The following MMP16 variants were observed in gnomAD, a reference collection of about 807,000 sequenced individuals.
MMP16 encodes the protein matrix metalloproteinase-16.
MMP16 carries 12 observed loss-of-function variants against 67.8 expected under a neutral mutation model. The observed-to-expected ratio is 0.18, with a 90% confidence interval of 0.11 to 0.29. The LOEUF is 0.29. Ranked by LOEUF, MMP16 falls within the 10% of genes least tolerant of loss-of-function variation. The pLI, the probability that MMP16 is intolerant of heterozygous loss-of-function variation, is 1.00. For synonymous variants in MMP16, 249 were observed against 255.9 expected (o/e 0.97, Z 0.26); for missense variants, 475 against 765.7 (o/e 0.62, Z 4.48).
At chr8:88,243,688 G>A (rs944860038) in intron 1 of MMP16, among the ~76,000 whole-genome samples, 13 of 152,228 alleles carry the variant, frequency 8.5e-5, no homozygotes, top group African/African-American at 2.6e-4. Flanking sequence ...TACGTTAATC[G>A]TTGGAAGAAG....
At chr8:88,288,199 A>G (rs542075398) in intron 1 of MMP16, among the ~76,000 whole-genome samples, 1 of 152,340 alleles carries the variant, frequency 6.6e-6, no homozygotes, top group African/African-American at 2.4e-5. Context: ...ACCAAAACCA[A>G]TATAACTATT....
intron 1 of MMP16, among the ~76,000 whole-genome samples, chr8:88,272,674 C>A (rs1474397101): frequency 1.3e-5 from 2 of 151,942 alleles, no homozygotes; most frequent in African/African-American, 2.4e-5. Context: ...GGAAAGTGGC[C>A]AAAACAAGAT....
chr8:88,070,538 A>G (rs1442666163), intron 7 of MMP16, among the ~76,000 whole-genome samples: 1 of 151,974 alleles, frequency 6.6e-6, no homozygotes, highest in Non-Finnish European at 1.5e-5. Context: ...ACTCTTTCCA[A>G]TACGTATGGG....
intron 3 of MMP16, among the ~76,000 whole-genome samples, chr8:88,181,359 T>C (rs566797610): frequency 6.6e-6 from 1 of 152,124 alleles, no homozygotes; most frequent in African/African-American, 2.4e-5. Context: ...GGTTAATATA[T>C]AAAAGTCAAT....
intron 1 of MMP16, among the ~76,000 whole-genome samples, chr8:88,221,007 G>A (rs1291273307): frequency 6.6e-6 from 1 of 152,056 alleles, no homozygotes; most frequent in East Asian, 1.9e-4. Context: ...ATGTACCCAG[G>A]TGACTATCCT....
chr8:88,320,070 G>C (rs1811434563), intron 1 of MMP16, among the ~76,000 whole-genome samples: 2 of 152,156 alleles, frequency 1.3e-5, no homozygotes, highest in Admixed American at 6.5e-5. Context: ...ACCTCTACCA[G>C]AGGTCAAATA....
intron 1 of MMP16, among the ~76,000 whole-genome samples, chr8:88,217,324 T>C (rs1294762824): frequency 1.3e-5 from 2 of 152,120 alleles, no homozygotes. Flanking sequence ...TGTATGCATA[T>C]ACATGTTTCT....
intron 1 of MMP16, among the ~76,000 whole-genome samples, chr8:88,260,170 A>C (rs2129945697): frequency 6.6e-6 from 1 of 152,340 alleles, no homozygotes; most frequent in Non-Finnish European, 1.5e-5. Context: ...CAGCATTTTA[A>C]AAATATTTCT....
chr8:88,153,961 T>A (rs1031884197), intron 4 of MMP16, among the ~76,000 whole-genome samples: 1 of 150,552 alleles, frequency 6.6e-6, no homozygotes, highest in East Asian at 1.9e-4. Context: ...TTTCACAACC[T>A]ACTCATCTGA....
intron 9 of MMP16, among the ~76,000 whole-genome samples, chr8:88,046,195 A>G (rs918708436): frequency 2.6e-5 from 4 of 152,054 alleles, no homozygotes; most frequent in African/African-American, 9.7e-5. Context: ...CATCCACTCT[A>G]TTCTCACCAT....
intron 1 of MMP16, among the ~76,000 whole-genome samples, chr8:88,313,563 G>T (rs909552828): frequency 2.0e-5 from 3 of 152,118 alleles, no homozygotes; most frequent in South Asian, 2.1e-4. Flanking sequence ...CTTTGTGCTT[G>T]GGATTCATCA....
At chr8:88,088,521 A>G (rs139510663) in intron 6 of MMP16, among the ~76,000 whole-genome samples, 78 of 152,196 alleles carry the variant, frequency 5.1e-4, no homozygotes, top group Middle Eastern at 3.4e-3. Flanking sequence ...GAGAATTCCC[A>G]AGAAATTACA....
Position 88,167,967 on chromosome 8 carries a change from C to A in MMP16, c.411G>T (p.Lys137Asn), listed in dbSNP as rs1201596629. The A allele has an allele frequency of 1.2e-6, 2 of 1,602,748 alleles. No homozygotes were observed. Among genetic ancestry groups the A allele is most frequent in the Non-Finnish European group, 8.5e-7 (1 of 1,174,636 alleles). ...WQHKHITYSI[K>N]NVTPKVGDPE... ...GGTCTCCTACTTTTGGAGTTACGTT[C>A]TTTATACTGAAAGTTAGAAAATATA... Residue 137 changes from lysine to asparagine, a missense_variant, in exon 4 of 10, where the codon AAG becomes AAT. Lys to Asn is a moderately conservative substitution (Grantham distance 94). Coordinates refer to ENST00000286614, the MANE Select transcript of MMP16 (RefSeq NM_005941.5).
At chr8:88,103,463 C>T (rs1809179279) in intron 6 of MMP16, among the ~76,000 whole-genome samples, 1 of 151,840 alleles carries the variant, frequency 6.6e-6, no homozygotes, top group South Asian at 2.1e-4. Flanking sequence ...TAGTTATAAG[C>T]TTCCTGAGAG....
chr8:88,305,325 G>C (rs1175450100), intron 1 of MMP16, among the ~76,000 whole-genome samples: 1 of 152,186 alleles, frequency 6.6e-6, no homozygotes, highest in African/African-American at 2.4e-5. Flanking sequence ...AAGAGACTTA[G>C]ATGCCCACAC....
chr8:88,116,845 C>G lies in MMP16; in HGVS notation c.872-127G>C, dbSNP rs537395842. On this transcript the variant is annotated intron_variant, in intron 5 of 9. Transcript: ENST00000286614. Reference sequence around the variant, plus strand: ...AACTGAACTAAGAGGTCTTTAAGATCGTATATTTTCTGAAAAAAACAAAAT... The same window carrying G: ...AACTGAACTAAGAGGTCTTTAAGATGGTATATTTTCTGAAAAAAACAAAAT... 9.7e-5 allele frequency: 79 copies of G among 816,920 alleles called. No individual in the cohort carries two copies. The East Asian group carries it at 1.2e-3, about 12-fold the overall frequency. The allele number at this position is 816,920 out of a possible 1,614,324, so 50.6% of individuals were successfully genotyped here. A position where few individuals can be genotyped will look rare whatever the true frequency, so the allele number is the denominator to read the frequency against.
At chr8:88,175,633 G>A (rs750750835) in intron 3 of MMP16, among the ~76,000 whole-genome samples, 3 of 152,106 alleles carry the variant, frequency 2.0e-5, no homozygotes, top group Non-Finnish European at 4.4e-5. Flanking sequence ...CATACTTCAA[G>A]CATTATGCTA....
intron 3 of MMP16, among the ~76,000 whole-genome samples, chr8:88,182,237 T>C (rs1186614460): frequency 6.6e-6 from 1 of 152,022 alleles, no homozygotes; most frequent in Non-Finnish European, 1.5e-5. Flanking sequence ...ATGAAGAAAG[T>C]ATTTGGAAAC....
At position 88,206,582 on chromosome 8, in the gene MMP16, T is replaced by C. The variant is rs143976868; in HGVS notation, c.133-9276A>G. On this transcript the variant is annotated intron_variant, in intron 1 of 9. Transcript: ENST00000286614. ...TTGTGCCCTAAGCTGCTGGATAGGC[T>C]CTGGCCATCTGTGATTCTAAGCTGG... is the stretch of plus-strand genomic sequence containing the variant. Among the ~76,000 whole-genome samples the C allele has an allele frequency of 2.3e-3, 355 of 152,328 alleles. 2 individuals carry two copies. Among genetic ancestry groups the C allele is most frequent in the Admixed American group, 2.4e-3 (37 of 15,296 alleles).
Sources: gnomAD v4.1 joint callset for allele counts (sites outside exome capture counted in the v4.1 genomes callset) on GRCh38, gnomAD v4.1.1 for gene constraint, MANE v1.5 for transcripts, NCBI Gene and HGNC (gene_info 2026-07-23, HGNC 2026-07-21) for gene names.